The following GLYATL1B variants were observed in gnomAD, a reference collection of about 807,000 sequenced individuals.
GLYATL1B encodes the protein glycine-N-acyltransferase like 1B.
In GLYATL1B, 6 loss-of-function variants were observed where a neutral mutation model predicts 5.5. That is an observed-to-expected ratio of 1.09 (90% confidence interval 0.60 to 2.15). The LOEUF (loss-of-function observed/expected upper bound fraction) is 2.15. Among genes scored for constraint, GLYATL1B ranks in the 30% most tolerant of loss-of-function variants. GLYATL1B has a pLI of 0.00. For synonymous variants in GLYATL1B, 67 were observed against 34.9 expected (o/e 1.92, Z -3.24); for missense variants, 135 against 94.1 (o/e 1.43, Z -1.80).
intron 2 of GLYATL1B, among the ~76,000 whole-genome samples, chr11:59,092,500 T>A (rs1445773083): frequency 6.6e-6 from 1 of 152,224 alleles, no homozygotes; most frequent in Non-Finnish European, 1.5e-5. Context: ...TTCAGGAACT[T>A]GCATTTATAA....
At chr11:59,092,716 A>G (rs1005130357) in intron 2 of GLYATL1B, among the ~76,000 whole-genome samples, 5 of 152,228 alleles carry the variant, frequency 3.3e-5, no homozygotes, top group Non-Finnish European at 5.9e-5. Context: ...ATCTTTCTTT[A>G]AAACCCATGA....
intron 1 of GLYATL1B, 56 bp downstream of exon 1, chr11:59,086,440 C>A (rs530386): frequency 0.16 from 64,567 of 391,514 alleles, 6,024 homozygotes; most frequent in Non-Finnish European, 0.18. Context: ...GGATGAGAAA[C>A]TAACAGGCTC....
chr11:59,092,652 A>G (rs1053522372), intron 2 of GLYATL1B, among the ~76,000 whole-genome samples: 6 of 152,202 alleles, frequency 3.9e-5, no homozygotes, highest in African/African-American at 1.4e-4. Context: ...CCCCTGATAA[A>G]CAGATACTCA....
chr11:59,086,853 G>A (rs1859203008), intron 1 of GLYATL1B, among the ~76,000 whole-genome samples: 1 of 152,198 alleles, frequency 6.6e-6, no homozygotes, highest in South Asian at 2.1e-4. Flanking sequence ...CAGTAGCTCT[G>A]TGGTATCACA....
intron 2 of GLYATL1B, among the ~76,000 whole-genome samples, chr11:59,087,705 G>A (rs547070292): frequency 2.0e-5 from 3 of 151,962 alleles, no homozygotes; most frequent in African/African-American, 7.3e-5. Flanking sequence ...AAATTAGCAG[G>A]GCATGGTGAT....
intron 2 of GLYATL1B, among the ~76,000 whole-genome samples, chr11:59,088,020 G>C (rs1348986411): frequency 7.2e-5 from 11 of 152,162 alleles, no homozygotes; most frequent in Non-Finnish European, 1.2e-4. Context: ...GAAATATTCA[G>C]TCAGGTAGCT....
At chr11:59,090,979 A>G (rs1859295990) in intron 2 of GLYATL1B, among the ~76,000 whole-genome samples, 2 of 152,180 alleles carry the variant, frequency 1.3e-5, no homozygotes, top group Admixed American at 1.3e-4. Flanking sequence ...TTTAGAATGA[A>G]CGGTAGATTT....
chr11:59,087,117 G>A lies in GLYATL1B; in HGVS notation c.132G>A (p.Val44=), dbSNP rs1198176043. Residue 44 remains valine, a synonymous_variant, in exon 2 of 5, where the codon GTG becomes GTA. Transcript: ENST00000527482. The part of the protein sequence containing the change: ...INHGNPFNME[V]LVDSWPEYQM... ...ACGGGAACCCCTTCAACATGGAAGT[G>A]TTGGTGGACTCCTGGCCCGAGTATC... is the stretch of plus-strand genomic sequence containing the variant. 1.5e-6 allele frequency: 1 copy of A among 678,384 alleles called. No individual in the cohort carries two copies. The highest frequency in any genetic ancestry group is 2.5e-5 in the East Asian group (1 of 39,412). The allele number at this position is 678,384 out of a possible 1,614,324, so 42.0% of individuals were successfully genotyped here.
intron 2 of GLYATL1B, among the ~76,000 whole-genome samples, chr11:59,087,379 G>A (rs936556982): frequency 2.0e-5 from 3 of 152,016 alleles, no homozygotes; most frequent in African/African-American, 7.2e-5. Flanking sequence ...GGGGGTCAAG[G>A]GGGAAGGGGA....
intron 2 of GLYATL1B, among the ~76,000 whole-genome samples, chr11:59,092,082 T>A (rs902233562): frequency 3.3e-5 from 5 of 152,208 alleles, no homozygotes; most frequent in Non-Finnish European, 5.9e-5. Context: ...GTGAATATGT[T>A]GCCTTGGAGT....
At chr11:59,093,406 T>G in intron 2 of GLYATL1B, 123 bp from the exon 3 acceptor site, 1 of 395,720 alleles carries the variant, frequency 2.5e-6, no homozygotes, top group Non-Finnish European at 4.5e-6. Flanking sequence ...CGTGCCCAAC[T>G]GCAGCCATCG....
At chr11:59,088,845 T>C (rs1859248032) in intron 2 of GLYATL1B, among the ~76,000 whole-genome samples, 1 of 152,230 alleles carries the variant, frequency 6.6e-6, no homozygotes, top group Non-Finnish European at 1.5e-5. Flanking sequence ...TAGTATACCA[T>C]GTTTCTTTCA....
chr11:59,086,916 G>T (rs1859204003), intron 1 of GLYATL1B, 148 bp from the exon 2 acceptor site: 1 of 416,216 alleles, frequency 2.4e-6, no homozygotes, highest in East Asian at 3.5e-5. Context: ...ATGTCCATCA[G>T]TATGGTCCTG....
At chr11:59,087,229 G>C (rs199528233) in intron 2 of GLYATL1B, 58 bp downstream of exon 2, 3 of 480,650 alleles carry the variant, frequency 6.2e-6, no homozygotes, top group African/African-American at 3.9e-5. Context: ...CTGAGGAACT[G>C]TCCAATTCAG....
chr11:59,094,024 C>T lies in GLYATL1B; in HGVS notation c.404C>T (p.Thr135Met), dbSNP rs546149153. 914 of 698,252 alleles carry T rather than the reference C, an allele frequency of 1.3e-3. 5 individuals are homozygous for T. The highest frequency in any genetic ancestry group is 8.2e-3 in the Middle Eastern group (34 of 4,124). The allele number at this position is 698,252 out of a possible 1,614,324, so 43.3% of individuals were successfully genotyped here. A position where few individuals can be genotyped will look rare whatever the true frequency, so the allele number is the denominator to read the frequency against. The change falls in exon 4 of 5, where the codon ACG becomes ATG. Residue 135 changes from threonine (T) to methionine (M), a missense_variant. Thr to Met is a moderately conservative substitution (Grantham distance 81). Coordinates refer to ENST00000527482, the MANE Select transcript of GLYATL1B (RefSeq NM_001355566.1). Reference sequence around the variant, plus strand: ...CATTCGAGAGCACTCCTCTTTGTTACGGAAGATATCCTGAAGCTCTATGCC... The same window carrying T: ...CATTCGAGAGCACTCCTCTTTGTTATGGAAGATATCCTGAAGCTCTATGCC... ...VEHSRALLFVTEDILKLYATN... is the reference protein window; with the variant it reads ...VEHSRALLFVMEDILKLYATN...
intron 2 of GLYATL1B, among the ~76,000 whole-genome samples, chr11:59,089,745 T>C (rs1485286572): frequency 1.3e-5 from 2 of 152,202 alleles, no homozygotes; most frequent in African/African-American, 4.8e-5. Context: ...ACAAGGTGTA[T>C]GCTACAAATT....
intron 2 of GLYATL1B, among the ~76,000 whole-genome samples, chr11:59,087,791 TGAGCCA>T (rs1859221632): frequency 6.6e-6 from 1 of 152,032 alleles, no homozygotes; most frequent in Admixed American, 6.5e-5. Flanking sequence ...GAGGCTGCAG[TGAGCCA>T]AGATCACACC....
intron 2 of GLYATL1B, among the ~76,000 whole-genome samples, chr11:59,088,753 C>T (rs1349663895): frequency 1.3e-5 from 2 of 152,010 alleles, no homozygotes; most frequent in Non-Finnish European, 2.9e-5. Context: ...AAGTTCCATG[C>T]CACACATATA....
At chr11:59,093,888 A>G in intron 3 of GLYATL1B, 46 bp from the exon 4 acceptor site, 1 of 624,086 alleles carries the variant, frequency 1.6e-6, no homozygotes. Context: ...CAGTGTAAGT[A>G]GAGAACTGCA....
Sources: allele counts gnomAD v4.1 joint callset (sites outside exome capture counted in the v4.1 genomes callset), GRCh38; gene constraint gnomAD v4.1.1; transcripts MANE v1.5; gene names NCBI Gene and HGNC (gene_info 2026-07-23, HGNC 2026-07-21).